The following KCP variants were observed in gnomAD, a reference collection of about 807,000 sequenced individuals.
KCP encodes the protein kielin/chordin-like protein.
A neutral mutation model predicts 212.7 loss-of-function variants in KCP; 194 were observed. That is an observed-to-expected ratio of 0.91 (90% confidence interval 0.81 to 1.03). The LOEUF is 1.03. Ranked by LOEUF, KCP falls within the 50% of genes least tolerant of loss-of-function variation. KCP has a pLI of 0.00. For missense variants in KCP, 2,080 were observed against 2,162.5 expected (o/e 0.96, Z 0.76); for synonymous variants, 833 against 865.3 (o/e 0.96, Z 0.65).
At chr7:128,902,899 G>A (rs1212649431) in intron 7 of KCP, 40 bp from the exon 8 acceptor site, 45 of 1,460,086 alleles carry the variant, frequency 3.1e-5, no homozygotes, top group Non-Finnish European at 4.1e-5. Flanking sequence ...CCTGGTGGGA[G>A]CTGGCCTGGA....
At position 128,891,845 on chromosome 7, in the gene KCP, T is replaced by C. The variant is rs375675125; in HGVS notation, c.1622-26A>G. The C allele has an allele frequency of 1.0e-3, 1,443 of 1,424,080 alleles. 14 individuals are homozygous for C. The African/African-American group carries it at 0.019, about 18-fold the overall frequency. The allele number at this position is 1,424,080 out of a possible 1,614,324, so 88.2% of individuals were successfully genotyped here. A position where few individuals can be genotyped will look rare whatever the true frequency, so the allele number is the denominator to read the frequency against. On this transcript the variant is annotated intron_variant, in intron 16 of 39. Transcript: ENST00000610776. The stretch of plus-strand genomic sequence containing the variant: ...CTGGGCAGTGGATGGTGGGGGCAGG[T>C]ATGAGGGCAAAGCCTGACAGTCCCT...
rs1409235429 is a variant in KCP at position 128,881,928 on chromosome 7, A to T, written c.3324+9T>A. On this transcript the variant is annotated intron_variant, in intron 30 of 39. Coordinates refer to ENST00000610776, the MANE Select transcript of KCP (RefSeq NM_001366122.1). The stretch of plus-strand genomic sequence containing the variant: ...GGGCTCTGTGAGTCCCCAAGGCAGG[A>T]GGGCTCACCTGGCACTGGCACGTGT... 2 of 1,550,664 alleles carry T rather than the reference A, an allele frequency of 1.3e-6. No individual in the cohort carries two copies. The highest frequency in any genetic ancestry group is 2.0e-5 in the Admixed American group (1 of 50,978).
At chr7:128,885,033 G>T in intron 27 of KCP, 64 bp downstream of exon 27, 1 of 1,542,716 alleles carries the variant, frequency 6.5e-7, no homozygotes, top group Non-Finnish European at 8.8e-7. Flanking sequence ...CCCAGCAGCG[G>T]CAGGGAGGTG....
At chr7:128,890,824 A>G in intron 20 of KCP, 81 bp downstream of exon 20, 1 of 1,151,672 alleles carries the variant, frequency 8.7e-7, no homozygotes, top group Non-Finnish European at 1.2e-6. Flanking sequence ...GGCCTGGAGG[A>G]AGGGGACTGG....
In KCP at chr7:128,879,980, G is replaced by A. The variant is rs1434767718; in HGVS notation, c.3865C>T (p.Arg1289Cys). Residue 1289 changes from arginine (R) to cysteine (C), a missense_variant, in exon 35 of 40, where the codon CGC (arginine) becomes TGC (cysteine). Arg to Cys is a radical substitution (Grantham distance 180, BLOSUM62 -3). Transcript: ENST00000610776. ...CAACTGCCCTGGAAGTGCAGCAGGC[G>A]GCCGTCGAAGGTGCGGTAATGGGGG... ...GDPHYRTFDG[R>C]LLHFQGSCSY... The A allele has an allele frequency of 1.1e-5, 17 of 1,550,676 alleles. No individual in the cohort carries two copies. In the East Asian group the frequency reaches 3.9e-4, roughly 36 times the overall value.
intron 8 of KCP, 92 bp from the exon 9 acceptor site, chr7:128,894,385 G>T: frequency 1.0e-6 from 1 of 997,970 alleles, no homozygotes; most frequent in Non-Finnish European, 1.4e-6. Flanking sequence ...CTTATTAGAT[G>T]TGTTTATGGG....
At chr7:128,902,225 A>G (rs920299832) in intron 8 of KCP, among the ~76,000 whole-genome samples, 95 of 152,374 alleles carry the variant, frequency 6.2e-4, no homozygotes, top group African/African-American at 2.2e-3. Context: ...AACAAAACAG[A>G]TGAAATTAAT....
At position 128,903,953 on chromosome 7, in the gene KCP, C is replaced by A. The variant is rs926849315; in HGVS notation, c.654+103G>T. ...GGAGAACCTAGCTGGCTCCACCTCT[C>A]GGGAGGCATGTGAGGGGGCTGGAGG... On this transcript the variant is annotated intron_variant, in intron 6 of 39. Coordinates refer to ENST00000610776, the MANE Select transcript of KCP (RefSeq NM_001366122.1). 3 of 1,367,198 alleles carry A rather than the reference C, an allele frequency of 2.2e-6. No individual in the cohort carries two copies. In the East Asian group the frequency reaches 7.5e-5, roughly 34 times the overall value. The allele number at this position is 1,367,198 out of a possible 1,614,324, so 84.7% of individuals were successfully genotyped here.
chr7:128,880,996 C>A lies in KCP; in HGVS notation c.3513+1G>T. 2.5e-6 allele frequency: 1 copy of A among 398,972 alleles called. No homozygotes were observed. Among genetic ancestry groups the A allele is most frequent in the African/African-American group, 2.1e-5 (1 of 48,766 alleles). 24.7% of individuals were successfully genotyped at this position (398,972 alleles called of 1,614,324 possible). On this transcript the variant is annotated splice_donor_variant, in intron 32 of 39. Transcript: ENST00000610776. LOFTEE classifies it high-confidence loss of function. The stretch of plus-strand genomic sequence containing the variant: ...ACCCTCCCAGGCCCACCCCAGCTCA[C>A]ATGGCAGGTGCAGGCGATGCACGCA...
chr7:128,878,522 C>A, intron 38 of KCP, 36 bp downstream of exon 38: 1 of 1,541,182 alleles, frequency 6.5e-7, no homozygotes, highest in Non-Finnish European at 8.8e-7. Context: ...AGCTGCGTCT[C>A]CCCTAATCCC....
rs139500332 is a variant in KCP, at chr7:128,890,244, A to C, written c.2335+99T>G. ...CTCGGGGCTTTTTCTTACTGTAATA[A>C]ATATTTTAGATCCACCCTAGGGCAG... is the stretch of plus-strand genomic sequence containing the variant. On this transcript the variant is annotated intron_variant, in intron 21 of 39. Coordinates refer to ENST00000610776, the MANE Select transcript of KCP (RefSeq NM_001366122.1). 1,156 of 1,543,818 alleles carry C rather than the reference A, an allele frequency of 7.5e-4. 6 individuals are homozygous for C. The African/African-American group carries it at 0.014, about 19-fold the overall frequency.
chr7:128,880,362 A>AC, intron 34 of KCP, 24 bp downstream of exon 34: 3 of 1,089,908 alleles, frequency 2.8e-6, no homozygotes, highest in Non-Finnish European at 3.8e-6. Context: ...GACCCTCCCC[A>AC]CCATTTTAGA....
intron 38 of KCP, among the ~76,000 whole-genome samples, 190 bp downstream of exon 38, chr7:128,878,368 C>CT (rs1793115773): frequency 6.6e-6 from 1 of 152,108 alleles, no homozygotes; most frequent in South Asian, 2.1e-4. Flanking sequence ...AATGAGGCCT[C>CT]TTTTGACAAG....
chr7:128,903,523 T>C (rs1456490349), intron 7 of KCP, among the ~76,000 whole-genome samples: 3 of 152,220 alleles, frequency 2.0e-5, no homozygotes, highest in Admixed American at 2.0e-4. Context: ...AGGCATGGAA[T>C]ATCATTATCT....
chr7:128,893,101 C>A (rs1214473898), intron 13 of KCP, 80 bp from the exon 14 acceptor site: 1 of 1,021,284 alleles, frequency 9.8e-7, no homozygotes, highest in Non-Finnish European at 1.5e-6. Context: ...GGGACCCCAC[C>A]TTCGCCATCC....
At chr7:128,894,387 G>T in intron 8 of KCP, 94 bp from the exon 9 acceptor site, 1 of 993,110 alleles carries the variant, frequency 1.0e-6, no homozygotes, top group Non-Finnish European at 1.4e-6. Flanking sequence ...TATTAGATGT[G>T]TTTATGGGTT....
chr7:128,880,196 T>TCTGGCTCC lies in KCP; in HGVS notation c.3760-119_3760-112dup, dbSNP rs1488879879. ...AGGAGTCTCCAGGGATCTCCAGGAC[T>TCTGGCTCC]CTGGCTCCCAGGCTCCCTGTGAGTG... On this transcript the variant is annotated intron_variant, in intron 34 of 39. Coordinates refer to ENST00000610776, the MANE Select transcript of KCP (RefSeq NM_001366122.1). 9 of 1,330,318 alleles carry TCTGGCTCC rather than the reference T, an allele frequency of 6.8e-6. No individual in the cohort carries two copies. In the South Asian group the frequency reaches 7.6e-5, roughly 11 times the overall value. The allele number at this position is 1,330,318 out of a possible 1,614,324, so 82.4% of individuals were successfully genotyped here. A position where few individuals can be genotyped will look rare whatever the true frequency, so the allele number is the denominator to read the frequency against.
At position 128,884,741 on chromosome 7, in the gene KCP, C is replaced by T. The variant is rs78675176; in HGVS notation, c.3123+40G>A. The T allele has an allele frequency of 2.6e-3, 3,932 of 1,537,180 alleles. 68 individuals carry two copies. The South Asian group carries it at 0.028, about 11-fold the overall frequency. On this transcript the variant is annotated intron_variant, in intron 28 of 39. Transcript: ENST00000610776. ...TCATCCCATGCTGCCCACTCCCCCC[C>T]GACGAGGTGCCCCAGCCCCACCACT...
chr7:128,877,513 G>A lies in KCP; in HGVS notation c.4589C>T (p.Thr1530Ile), dbSNP rs374742200. ...CAGCGTGGGGCCTCGCCAGGTAGGT[G>A]TCACTCCTGCCTGGCGACAGTGACT... is the stretch of plus-strand genomic sequence containing the variant. ...YASHCRQAGV[T>I]PTWRGPTLCV... The change falls in exon 39 of 40, where the codon ACA becomes ATA. Residue 1530 changes from threonine to isoleucine, a missense_variant. By Grantham distance (89) the Thr-to-Ile change is moderately conservative. Coordinates refer to ENST00000610776, the MANE Select transcript of KCP (RefSeq NM_001366122.1). 1.1e-4 allele frequency: 174 copies of A among 1,551,340 alleles called. No homozygotes were observed. In the African/African-American group the frequency reaches 2.1e-3, roughly 19 times the overall value.
Sources: gnomAD v4.1 joint callset for allele counts (sites outside exome capture counted in the v4.1 genomes callset) on GRCh38, gnomAD v4.1.1 for gene constraint, MANE v1.5 for transcripts, NCBI Gene and HGNC (gene_info 2026-07-23, HGNC 2026-07-21) for gene names.